The following NPAS3 variants were observed in gnomAD, a reference collection of about 807,000 sequenced individuals.
NPAS3 encodes the protein neuronal PAS domain-containing protein 3.
A neutral mutation model predicts 73.1 loss-of-function variants in NPAS3; 14 were observed. The observed-to-expected ratio is 0.19, with a 90% CI of 0.13 to 0.30. NPAS3 has a LOEUF of 0.30. Among genes scored for constraint, NPAS3 ranks in the 10% least tolerant of loss-of-function variants. NPAS3 has a pLI of 1.00. For missense variants in NPAS3, 1,096 were observed against 1,250.0 expected, an observed-to-expected ratio of 0.88 and a Z score of 1.86; for synonymous variants, 620 against 541.5, an observed-to-expected ratio of 1.14 and a Z score of -2.01.
intron 4 of NPAS3, among the ~76,000 whole-genome samples, chr14:33,498,761 G>C (rs1388005802): frequency 1.3e-5 from 2 of 151,918 alleles, no homozygotes; most frequent in Non-Finnish European, 2.9e-5. Context: ...GTGCAGCAAA[G>C]CACCATGGCA....
At chr14:33,235,932 G>A (rs1005238133) in intron 3 of NPAS3, among the ~76,000 whole-genome samples, 1 of 148,858 alleles carries the variant, frequency 6.7e-6, no homozygotes, top group Non-Finnish European at 1.5e-5. Flanking sequence ...GGGACTATAG[G>A]TGTGCATCCC....
intron 2 of NPAS3, among the ~76,000 whole-genome samples, chr14:33,161,098 T>A (rs1375681440): frequency 6.6e-6 from 1 of 152,228 alleles, no homozygotes; most frequent in Non-Finnish European, 1.5e-5. Context: ...TGGCAGTGAC[T>A]TTAGCTTTTC....
chr14:33,192,685 C>A (rs1231220435), intron 2 of NPAS3, among the ~76,000 whole-genome samples: 1 of 152,188 alleles, frequency 6.6e-6, no homozygotes, highest in Non-Finnish European at 1.5e-5. Flanking sequence ...AGAAATGATT[C>A]TGGTTAGTTG....
chr14:32,995,838 T>G (rs2038546792), intron 1 of NPAS3, among the ~76,000 whole-genome samples: 1 of 152,160 alleles, frequency 6.6e-6, no homozygotes, highest in South Asian at 2.1e-4. Context: ...ATCAGCAGTG[T>G]GAAAATGGAC....
chr14:33,158,212 C>T (rs1218308803), intron 2 of NPAS3, among the ~76,000 whole-genome samples: 1 of 152,144 alleles, frequency 6.6e-6, no homozygotes, highest in Non-Finnish European at 1.5e-5. Flanking sequence ...TAACTCCTTA[C>T]ACTGGTATTA....
intron 2 of NPAS3, among the ~76,000 whole-genome samples, chr14:33,156,944 A>T (rs1286465646): frequency 6.6e-6 from 1 of 152,338 alleles, no homozygotes; most frequent in East Asian, 1.9e-4. Context: ...TTAATGCAGT[A>T]TTTATAAATA....
intron 4 of NPAS3, among the ~76,000 whole-genome samples, chr14:33,411,571 A>G (rs1321484964): frequency 6.6e-6 from 1 of 152,212 alleles, no homozygotes; most frequent in Non-Finnish European, 1.5e-5. Flanking sequence ...CCTCCAGTGC[A>G]CAGGACAGCC....
intron 5 of NPAS3, among the ~76,000 whole-genome samples, chr14:33,651,940 C>A (rs930130470): frequency 6.6e-6 from 1 of 152,182 alleles, no homozygotes; most frequent in Non-Finnish European, 1.5e-5. Flanking sequence ...TAAGGCTTAG[C>A]ATGGCAGCCT....
chr14:33,801,152 G>GGCCCC (rs1169636961), downstream of NPAS3: 1 of 1,534,386 alleles, frequency 6.5e-7, no homozygotes, highest in Admixed American at 2.2e-5. Flanking sequence ...GCTTGGAGGA[G>GGCCCC]GCATCGTCGG....
In NPAS3 at chr14:33,489,197, A is replaced by T. The variant is rs1428615591; in HGVS notation, c.469-70924A>T. 2.0e-5 allele frequency among the ~76,000 whole-genome samples: 3 copies of T among 152,208 alleles called. No individual in the cohort carries two copies. The East Asian group carries it at 5.8e-4, about 29-fold the overall frequency. On this transcript the variant is annotated intron_variant, in intron 4 of 11. Transcript: ENST00000356141. ...GGAATTGAATTTAGTAAATTGACAGACCGAACACAAATAATCTGTGTACAA... is the reference window on the plus strand; with the variant it reads ...GGAATTGAATTTAGTAAATTGACAGTCCGAACACAAATAATCTGTGTACAA...
chr14:33,744,567 C>A (rs2061739155), intron 7 of NPAS3, among the ~76,000 whole-genome samples: 1 of 151,620 alleles, frequency 6.6e-6, no homozygotes. Flanking sequence ...GTGGGAGGAT[C>A]GCTTGAGCTC....
At chr14:33,487,045 A>G (rs545101535) in intron 4 of NPAS3, among the ~76,000 whole-genome samples, 2 of 152,312 alleles carry the variant, frequency 1.3e-5, no homozygotes, top group South Asian at 2.1e-4. Flanking sequence ...TTGCCTAGGA[A>G]GAGTCTAAAA....
intron 4 of NPAS3, among the ~76,000 whole-genome samples, chr14:33,499,334 C>T (rs764394146): frequency 1.3e-5 from 2 of 151,666 alleles, no homozygotes; most frequent in Non-Finnish European, 2.9e-5. Context: ...TTTGTGAATG[C>T]CCTTCAAATC....
At position 33,674,819 on chromosome 14, in the gene NPAS3, T is replaced by C. The variant is rs527793532; in HGVS notation, c.559-1392T>C. On this transcript the variant is annotated intron_variant, in intron 5 of 11. Transcript: ENST00000356141. ...GACTATACCTATGTTAACTGATAGA[T>C]GTGGAAGATCTGCAGCCTGTTAAGA... Among the ~76,000 whole-genome samples the C allele has an allele frequency of 3.3e-5, 5 of 152,336 alleles. No individual in the cohort carries two copies. In the East Asian group the frequency reaches 7.7e-4, roughly 23 times the overall value.
chr14:33,017,043 A>G (rs2039421879), intron 1 of NPAS3, among the ~76,000 whole-genome samples: 1 of 152,192 alleles, frequency 6.6e-6, no homozygotes, highest in Non-Finnish European at 1.5e-5. Flanking sequence ...GTAAGTGTAG[A>G]GATTCTAAAT....
chr14:33,369,642 C>A lies in NPAS3; in HGVS notation c.468+2374C>A, dbSNP rs182788376. ...TCTAAGCATGATTGCACTATGTAAT[C>A]TTATAATTGCCACAGAAACTAGAAC... On this transcript the variant is annotated intron_variant, in intron 4 of 11. Transcript: ENST00000356141. Among the ~76,000 whole-genome samples the A allele has an allele frequency of 2.3e-3, 350 of 152,170 alleles. 1 individual carries two copies. Among genetic ancestry groups the A allele is most frequent in the African/African-American group, 7.9e-3 (329 of 41,532 alleles).
chr14:33,383,768 T>A (rs2046657354), intron 4 of NPAS3, among the ~76,000 whole-genome samples: 1 of 152,130 alleles, frequency 6.6e-6, no homozygotes. Context: ...GGAAGTCTGG[T>A]CAGCCTTCTA....
chr14:33,769,723 C>T (rs1472947238), intron 7 of NPAS3, among the ~76,000 whole-genome samples: 1 of 149,414 alleles, frequency 6.7e-6, no homozygotes, highest in Non-Finnish European at 1.5e-5. Context: ...TCATTCCCTC[C>T]AACCAGCCCT....
intron 1 of NPAS3, among the ~76,000 whole-genome samples, chr14:33,022,120 A>G (rs376159882): frequency 2.1e-4 from 32 of 152,274 alleles, no homozygotes; most frequent in African/African-American, 7.2e-4. Context: ...ATGTTGAACC[A>G]TGTCAGAGGA....
Sources: allele counts gnomAD v4.1 joint callset (sites outside exome capture counted in the v4.1 genomes callset), GRCh38; gene constraint gnomAD v4.1.1; transcripts MANE v1.5; gene names NCBI Gene and HGNC (gene_info 2026-07-23, HGNC 2026-07-21).